Variants in ANK1 observed in about 807,000 individuals in gnomAD.
The protein encoded by ANK1 is ankyrin-1.
ANK1 carries 51 observed loss-of-function variants against 210.4 expected under a neutral mutation model. That is an observed-to-expected ratio of 0.24 (90% CI 0.19 to 0.31). The LOEUF (loss-of-function observed/expected upper bound fraction) is 0.31, where lower values mean the gene tolerates loss of function less well. Among genes scored for constraint, ANK1 ranks in the 10% least tolerant of loss-of-function variants. The probability of loss-of-function intolerance (pLI) is 1.00; values close to 1 mark genes in which losing one functional copy is unlikely to be tolerated. For synonymous variants in ANK1, 967 were observed against 1,025.9 expected (o/e 0.94, Z 1.10); for missense variants, 2,051 against 2,504.4 (o/e 0.82, Z 3.86).
At chr8:41,818,146 G>A (rs1406303995) in intron 1 of ANK1, among the ~76,000 whole-genome samples, 2 of 152,214 alleles carry the variant, frequency 1.3e-5, no homozygotes, top group Non-Finnish European at 2.9e-5. Context: ...GGGAGGGAAA[G>A]GGTTAATAAC....
At chr8:41,894,864 G>T (rs934255839) in intron 1 of ANK1, among the ~76,000 whole-genome samples, 4 of 151,998 alleles carry the variant, frequency 2.6e-5, no homozygotes, top group Non-Finnish European at 4.4e-5. Flanking sequence ...TCTCTCGGTG[G>T]CACCAACCCA....
chr8:41,782,185 C>A (rs1845480064), intron 1 of ANK1, among the ~76,000 whole-genome samples: 1 of 152,196 alleles, frequency 6.6e-6, no homozygotes, highest in Non-Finnish European at 1.5e-5. Flanking sequence ...ACACCCCCTG[C>A]CATGGGGCCA....
rs577687231 is a variant in ANK1, at chr8:41,775,132, G to A, written c.28-16995C>T. ...CCCCATGGCTCCAGAGTTTCTGAAG[G>A]ATGCCCAGGCGTTGGACAGCCCTGC... On this transcript the variant is annotated intron_variant, in intron 1 of 42. Coordinates refer to ENST00000289734, the MANE Select transcript of ANK1 (RefSeq NM_000037.4). Among the ~76,000 whole-genome samples, 3 of 152,068 alleles carry A rather than the reference G, an allele frequency of 2.0e-5. No individual in the cohort carries two copies. In the South Asian group the frequency reaches 6.3e-4, roughly 32 times the overall value.
chr8:41,699,360 C>A (rs573913609), intron 23 of ANK1, 92 bp downstream of exon 23: 1 of 1,217,970 alleles, frequency 8.2e-7, no homozygotes, highest in African/African-American at 1.5e-5. Flanking sequence ...AGCGCCTGGC[C>A]TGCTGTGTCC....
intron 37 of ANK1, among the ~76,000 whole-genome samples, chr8:41,676,218 T>C (rs2150567852): frequency 6.6e-6 from 1 of 152,316 alleles, no homozygotes; most frequent in Non-Finnish European, 1.5e-5. Context: ...TGTATGAGAG[T>C]TCCAGTTCCC....
chr8:41,765,859 A>C (rs998181352), intron 1 of ANK1, among the ~76,000 whole-genome samples: 2 of 152,138 alleles, frequency 1.3e-5, no homozygotes, highest in African/African-American at 4.8e-5. Flanking sequence ...GCAGAATGTC[A>C]ACATGCTGTC....
intron 2 of ANK1, among the ~76,000 whole-genome samples, chr8:41,747,056 T>C (rs1239542923): frequency 6.6e-6 from 1 of 152,124 alleles, no homozygotes; most frequent in African/African-American, 2.4e-5. Context: ...TAAGACAACG[T>C]AACAGCTTGC....
Position 41,715,740 on chromosome 8 carries a change from G to T in ANK1, c.1514C>A (p.Thr505Asn). ...NPNLATTAGH[T>N]PLHIAAREGH... Reference sequence around the variant, plus strand: ...CTCACGGGCTGCAATGTGCAGGGGGGTGTGCCCGGCGGTGGTGGCCAGGTT... The same window carrying T: ...CTCACGGGCTGCAATGTGCAGGGGGTTGTGCCCGGCGGTGGTGGCCAGGTT... Residue 505 changes from threonine (T) to asparagine (N), a missense_variant, in exon 14 of 43, where the codon ACC (threonine) becomes AAC (asparagine). Physicochemically the swap from Thr to Asn is moderately conservative, Grantham distance 65. Around this residue, in one of 6 missense-constraint regions of ANK1, gnomAD observed 1,413 missense variants for 1,707.4 expected, o/e 0.83. Transcript: ENST00000289734. 1.2e-6 allele frequency: 2 copies of T among 1,614,210 alleles called. No homozygotes were observed. Among genetic ancestry groups the T allele is most frequent in the Non-Finnish European group, 1.7e-6 (2 of 1,180,044 alleles).
intron 2 of ANK1, among the ~76,000 whole-genome samples, chr8:41,745,538 G>T (rs1427875364): frequency 6.6e-6 from 1 of 152,216 alleles, no homozygotes; most frequent in Non-Finnish European, 1.5e-5. Flanking sequence ...TGGGAGGTAA[G>T]GAGGAGTGGT....
intron 1 of ANK1, among the ~76,000 whole-genome samples, chr8:41,794,937 C>T (rs1009388364): frequency 2.0e-5 from 3 of 152,104 alleles, no homozygotes; most frequent in African/African-American, 7.2e-5. Context: ...AACTCCTGAC[C>T]TCATGATCCA....
At chr8:41,791,205 T>G (rs1281023101) in intron 1 of ANK1, among the ~76,000 whole-genome samples, 5 of 139,526 alleles carry the variant, frequency 3.6e-5, no homozygotes, top group East Asian at 2.1e-4. Flanking sequence ...TTTTTTTTTT[T>G]TTTTTTTTTT....
At chr8:41,791,194 GTTTTTTTTTTT>G (rs71239082) in intron 1 of ANK1, among the ~76,000 whole-genome samples, 101 of 70,154 alleles carry the variant, frequency 1.4e-3, no homozygotes, top group Non-Finnish European at 2.3e-3. Flanking sequence ...TACTAACTTT[GTTTTTTTTTTT>G]TTTTTTTTTT....
chr8:41,714,299 A>T, intron 15 of ANK1, 45 bp from the exon 16 acceptor site: 1 of 1,475,256 alleles, frequency 6.8e-7, no homozygotes. Context: ...ACTCCCACGG[A>T]CTTTCTCCCA....
chr8:41,664,169 CAG>C (rs773036610), intron 39 of ANK1: 8 of 457,938 alleles, frequency 1.7e-5, no homozygotes, highest in South Asian at 1.2e-4. Context: ...CAGTTGGTGA[CAG>C]AAACAGGACG....
At chr8:41,872,676 T>G (rs60283157) in intron 1 of ANK1, among the ~76,000 whole-genome samples, 2,943 of 152,254 alleles carry the variant, frequency 0.019, 94 homozygotes, top group African/African-American at 0.066. Context: ...CACCTTACAA[T>G]TCTCAGCCTG....
intron 2 of ANK1, among the ~76,000 whole-genome samples, chr8:41,749,005 A>G (rs1231314603): frequency 1.3e-5 from 2 of 151,598 alleles, no homozygotes; most frequent in African/African-American, 4.9e-5. Flanking sequence ...ACTGCCCTCC[A>G]ACCTGGGCGA....
intron 39 of ANK1, among the ~76,000 whole-genome samples, chr8:41,667,514 A>T (rs904255600): frequency 1.3e-5 from 2 of 152,184 alleles, no homozygotes; most frequent in African/African-American, 4.8e-5. Flanking sequence ...AGTCAGTGGG[A>T]GAAAGTGGGG....
chr8:41,685,173 C>T (rs1457515391), intron 36 of ANK1, among the ~76,000 whole-genome samples: 1 of 152,230 alleles, frequency 6.6e-6, no homozygotes, highest in African/African-American at 2.4e-5. Flanking sequence ...AAGTGATCTA[C>T]CTGCCTTGGC....
chr8:41,754,140 G>C (rs1254806658), intron 2 of ANK1, among the ~76,000 whole-genome samples: 3 of 152,214 alleles, frequency 2.0e-5, no homozygotes, highest in African/African-American at 7.2e-5. Context: ...GTTCAGAACG[G>C]ATAAGGAACG....
Sources: allele counts gnomAD v4.1 joint callset (sites outside exome capture counted in the v4.1 genomes callset), GRCh38; gene constraint gnomAD v4.1.1; regional missense constraint gnomAD v4.1.1; transcripts MANE v1.5; gene names NCBI Gene and HGNC (gene_info 2026-07-23, HGNC 2026-07-21).